The following KCNT2 variants were observed in gnomAD, a reference collection of about 807,000 sequenced individuals.
KCNT2 encodes potassium sodium-activated channel subfamily T member 2, also known as potassium channel subfamily T member 2.
Under a neutral mutation model 153.8 loss-of-function variants are expected in KCNT2, and 67 were observed. The ratio of observed to expected loss-of-function variants is 0.44; its 90% CI spans 0.36 to 0.53. The LOEUF (loss-of-function observed/expected upper bound fraction) is 0.53. KCNT2 is among the 20% of genes least tolerant of loss of function. The pLI, the probability that KCNT2 is intolerant of heterozygous loss-of-function variation, is 0.00. For synonymous variants in KCNT2, 500 were observed against 458.8 expected (o/e 1.09, Z -1.15); for missense variants, 975 against 1,354.8 (o/e 0.72, Z 4.40).
At chr1:196,253,193 A>C (rs1656139733) in intron 26 of KCNT2, among the ~76,000 whole-genome samples, 1 of 151,390 alleles carries the variant, frequency 6.6e-6, no homozygotes, top group African/African-American at 2.4e-5. Flanking sequence ...ATGTTACATT[A>C]GTTGATATTG....
At chr1:196,440,996 C>T (rs1675175760) in intron 8 of KCNT2, among the ~76,000 whole-genome samples, 1 of 151,870 alleles carries the variant, frequency 6.6e-6, no homozygotes, top group African/African-American at 2.4e-5. Flanking sequence ...GAAGCTCCCT[C>T]ATCCTGCTCA....
chr1:196,334,529 C>T (rs1267584270), intron 16 of KCNT2, among the ~76,000 whole-genome samples: 1 of 119,620 alleles, frequency 8.4e-6, no homozygotes, highest in Non-Finnish European at 1.7e-5. Context: ...GGCTGGAGTG[C>T]AGTGGCACAA....
At chr1:196,279,157 C>T (rs930118828) in intron 25 of KCNT2, among the ~76,000 whole-genome samples, 1 of 152,280 alleles carries the variant, frequency 6.6e-6, no homozygotes, top group Middle Eastern at 3.4e-3. Flanking sequence ...AGATCATGAT[C>T]GTGCTTAATT....
At chr1:196,337,434 T>C (rs1324900900) in intron 16 of KCNT2, among the ~76,000 whole-genome samples, 2 of 152,080 alleles carry the variant, frequency 1.3e-5, no homozygotes, top group African/African-American at 4.8e-5. Context: ...ATCAGGTCAA[T>C]GGCTCTGCAT....
Position 196,313,328 on chromosome 1 carries a change from G to A in KCNT2, c.2483+2564C>T, listed in dbSNP as rs144940403. ...AATGTGGAGTGTAAAATTATTCATA[G>A]TTCAAGGTTTAGGCTATGACCATGA... is the stretch of plus-strand genomic sequence containing the variant. On this transcript the variant is annotated intron_variant, in intron 21 of 27. Coordinates refer to ENST00000294725, the MANE Select transcript of KCNT2 (RefSeq NM_198503.5). Among the ~76,000 whole-genome samples the A allele has an allele frequency of 2.4e-4, 36 of 151,746 alleles. No homozygotes were observed. In the East Asian group the frequency reaches 7.0e-3, roughly 30 times the overall value.
rs182199067 is a variant in KCNT2, at chr1:196,468,762, G to A, written c.459+232C>T. Among the ~76,000 whole-genome samples, 15 of 152,056 alleles carry A rather than the reference G, an allele frequency of 9.9e-5. No homozygotes were observed. In the East Asian group the frequency reaches 2.9e-3, roughly 29 times the overall value. On this transcript the variant is annotated intron_variant, in intron 6 of 27. Coordinates refer to ENST00000294725, the MANE Select transcript of KCNT2 (RefSeq NM_198503.5). ...TGACATTTGTCAAATGGCATCCCCA[G>A]AACATATATCTCTTTAAAATATTTT...
At chr1:196,368,461 C>T (rs1054269240) in intron 14 of KCNT2, among the ~76,000 whole-genome samples, 2 of 152,114 alleles carry the variant, frequency 1.3e-5, no homozygotes, top group East Asian at 1.9e-4. Context: ...ATGAACAAAC[C>T]TAATGAAGTA....
intron 8 of KCNT2, among the ~76,000 whole-genome samples, chr1:196,442,496 A>G (rs774843224): frequency 5.9e-5 from 9 of 151,760 alleles, no homozygotes; most frequent in Admixed American, 2.0e-4. Flanking sequence ...ATGTACATGT[A>G]TACAACTACA....
intron 1 of KCNT2, among the ~76,000 whole-genome samples, chr1:196,595,372 TATG>T (rs1350773805): frequency 6.6e-6 from 1 of 152,136 alleles, no homozygotes; most frequent in Non-Finnish European, 1.5e-5. Flanking sequence ...AGGTTATTCA[TATG>T]ATATGAATTA....
At chr1:196,568,595 C>CA (rs34667117) in intron 1 of KCNT2, among the ~76,000 whole-genome samples, 37,319 of 118,560 alleles carry the variant, frequency 0.31, 5,520 homozygotes, top group East Asian at 0.43. Flanking sequence ...GACTCCGTCT[C>CA]AAAAAAAAAA....
At chr1:196,393,031 T>C (rs937034234) in intron 13 of KCNT2, among the ~76,000 whole-genome samples, 2 of 151,480 alleles carry the variant, frequency 1.3e-5, no homozygotes, top group African/African-American at 4.8e-5. Flanking sequence ...TGTTGAGATA[T>C]GGTTCTCCTT....
At chr1:196,598,567 G>A (rs4614205) in intron 1 of KCNT2, among the ~76,000 whole-genome samples, 118,887 of 152,188 alleles carry the variant, frequency 0.78, 49,718 homozygotes, top group East Asian at 0.97. Context: ...TGCAAGAGCT[G>A]TATGACTTTT....
At chr1:196,488,388 A>T (rs538184065) in intron 3 of KCNT2, among the ~76,000 whole-genome samples, 6 of 152,122 alleles carry the variant, frequency 3.9e-5, no homozygotes, top group African/African-American at 1.4e-4. Context: ...TAATTACTGT[A>T]ATCTGATTTT....
chr1:196,445,986 G>A (rs2148603080), intron 8 of KCNT2, among the ~76,000 whole-genome samples: 1 of 151,418 alleles, frequency 6.6e-6, no homozygotes, highest in East Asian at 2.0e-4. Context: ...GAAGGTCAAT[G>A]ACACATTCTA....
chr1:196,396,863 C>G (rs752772625), intron 13 of KCNT2, among the ~76,000 whole-genome samples: 3 of 150,426 alleles, frequency 2.0e-5, no homozygotes, highest in Non-Finnish European at 3.0e-5. Context: ...ACTTTTTCAG[C>G]AAATTTGATC....
chr1:196,485,333 T>C (rs1679337212), intron 3 of KCNT2, among the ~76,000 whole-genome samples: 1 of 151,858 alleles, frequency 6.6e-6, no homozygotes. Context: ...TGGACAAAAA[T>C]AATAATAAAG....
chr1:196,553,231 C>G (rs1001975835), intron 1 of KCNT2, among the ~76,000 whole-genome samples: 24 of 150,106 alleles, frequency 1.6e-4, no homozygotes, highest in Non-Finnish European at 2.5e-4. Context: ...CAAGAGAAAT[C>G]AAAAAAAGCA....
At chr1:196,499,620 C>G (rs963549358) in intron 1 of KCNT2, among the ~76,000 whole-genome samples, 1 of 152,144 alleles carries the variant, frequency 6.6e-6, no homozygotes, top group African/African-American at 2.4e-5. Context: ...TCTGAGGATG[C>G]AAAACTCGGG....
At chr1:196,341,498 T>C (rs1665625824) in intron 15 of KCNT2, among the ~76,000 whole-genome samples, 1 of 152,014 alleles carries the variant, frequency 6.6e-6, no homozygotes, top group Admixed American at 6.6e-5. Flanking sequence ...ATACGTATAT[T>C]GTAAATCCTC....
Sources: allele counts gnomAD v4.1 joint callset (sites outside exome capture counted in the v4.1 genomes callset), GRCh38; gene constraint gnomAD v4.1.1; transcripts MANE v1.5; gene names NCBI Gene and HGNC (gene_info 2026-07-23, HGNC 2026-07-21).